Variants in WFS1 observed in about 807,000 individuals in gnomAD.
WFS1 encodes the protein wolframin ER transmembrane glycoprotein.
Under a neutral mutation model 68.5 loss-of-function variants are expected in WFS1, and 90 were observed. The observed-to-expected ratio is 1.31, with a 90% CI of 1.11 to 1.56. The LOEUF (loss-of-function observed/expected upper bound fraction) is 1.56. WFS1 is among the 40% of genes most tolerant of loss of function. The pLI is 0.00. For synonymous variants in WFS1, 860 were observed against 540.7 expected, an observed-to-expected ratio of 1.59 and a Z score of -8.19; for missense variants, 1,767 against 1,232.6, an observed-to-expected ratio of 1.43 and a Z score of -6.49.
intron 2 of WFS1, among the ~76,000 whole-genome samples, chr4:6,277,929 T>G (rs1342825927): frequency 6.6e-6 from 1 of 152,186 alleles, no homozygotes; most frequent in Non-Finnish European, 1.5e-5. Context: ...CTGCAGTCCT[T>G]CTCTTCCCAG....
In WFS1 at chr4:6,301,403, G is replaced by A. The variant is rs770643432; in HGVS notation, c.1608G>A (p.Val536=). ...ACTGCTACCTTGTGCCCTACCTGGT[G>A]TGCTTCATGTGGTGTGAGCTCTCCG... ...GTYCYLVPYL[V]CFMWCELSVV... is the part of the protein sequence containing the mutation. Residue 536 remains valine (V), a synonymous_variant, in exon 8 of 8, where the codon GTG becomes GTA. Transcript: ENST00000226760. 8 of 1,612,510 alleles carry A rather than the reference G, an allele frequency of 5.0e-6. No individual in the cohort carries two copies. The highest frequency in any genetic ancestry group is 3.3e-5 in the Admixed American group (2 of 60,028).
rs781027991 is a variant in WFS1 at position 6,295,034 on chromosome 4, G to A, written c.713-7G>A. ...GGGCGCCCATGCTGTTTTCTCTCAT[G>A]CTTCAGCCAAGAACTACATCGCGCT... On this transcript the variant is annotated splice_polypyrimidine_tract_variant and splice_region_variant and intron_variant, in intron 6 of 7. Transcript: ENST00000226760. 3.7e-6 allele frequency: 6 copies of A among 1,613,188 alleles called. No individual in the cohort carries two copies. The highest frequency in any genetic ancestry group is 5.1e-6 in the Non-Finnish European group (6 of 1,179,940).
intron 2 of WFS1, 132 bp downstream of exon 2, chr4:6,277,819 T>C: frequency 9.3e-7 from 1 of 1,073,156 alleles, no homozygotes; most frequent in Non-Finnish European, 1.4e-6. Context: ...TCCCATGCTG[T>C]GCACAGGCGT....
At chr4:6,285,175 A>ACCCAGGGAGAGTTACG (rs1730277689) in intron 2 of WFS1, among the ~76,000 whole-genome samples, 1 of 142,222 alleles carries the variant, frequency 7.0e-6, no homozygotes, top group Non-Finnish European at 1.5e-5. Flanking sequence ...GGAGAGTTAC[A>ACCCAGGGAGAGTTACG]TCCAGGGAGA....
chr4:6,282,025 C>T (rs899908922), intron 2 of WFS1, among the ~76,000 whole-genome samples: 3 of 152,314 alleles, frequency 2.0e-5, no homozygotes, highest in East Asian at 1.9e-4. Context: ...TGGACGTGCT[C>T]GTTCTTGCCT....
intron 4 of WFS1, 130 bp downstream of exon 4, chr4:6,289,261 T>G (rs1730397770): frequency 1.2e-5 from 16 of 1,299,120 alleles, no homozygotes; most frequent in Non-Finnish European, 1.5e-5. Flanking sequence ...CAGTTTCTGT[T>G]TTGCTGGTGG....
intron 7 of WFS1, among the ~76,000 whole-genome samples, chr4:6,299,366 C>G (rs1479131443): frequency 6.6e-6 from 1 of 151,886 alleles, no homozygotes; most frequent in East Asian, 1.9e-4. Flanking sequence ...ACCCACAGGT[C>G]GGGGGAAGGC....
At chr4:6,295,221 C>T (rs760686184) in intron 7 of WFS1, 32 bp downstream of exon 7, 10 of 1,609,628 alleles carry the variant, frequency 6.2e-6, no homozygotes, top group Non-Finnish European at 8.5e-6. Flanking sequence ...CAGGCCGGAG[C>T]CTGCCTCCCA....
intron 2 of WFS1, among the ~76,000 whole-genome samples, chr4:6,280,835 C>G (rs1205928220): frequency 2.6e-5 from 4 of 151,726 alleles, no homozygotes; most frequent in East Asian, 3.9e-4. Flanking sequence ...AGGACAAGGC[C>G]TGGGGTTGGT....
At chr4:6,285,054 T>C (rs989870453) in intron 2 of WFS1, among the ~76,000 whole-genome samples, 2 of 150,224 alleles carry the variant, frequency 1.3e-5, no homozygotes, top group Non-Finnish European at 3.0e-5. Context: ...CTGGGGAGGG[T>C]GGGTGTCCAA....
rs1270011156 is a variant in WFS1 at position 6,302,576 on chromosome 4, A to G, written c.*108A>G. 3 of 1,515,902 alleles carry G rather than the reference A, an allele frequency of 2.0e-6. No homozygotes were observed. In the African/African-American group the frequency reaches 4.1e-5, roughly 21 times the overall value. 93.9% of individuals were successfully genotyped at this position (1,515,902 alleles called of 1,614,324 possible). A position where few individuals can be genotyped will look rare whatever the true frequency, so the allele number is the denominator to read the frequency against. ...CAGTGCCGCCTGTGCCCACGTGTGC[A>G]GACTGTGGCTGCAGAGACCTTGCGA... On this transcript the variant is annotated 3_prime_UTR_variant, in exon 8 of 8. Transcript: ENST00000226760.
At chr4:6,300,584 C>CA in intron 7 of WFS1, 73 bp from the exon 8 acceptor site, 1 of 1,602,844 alleles carries the variant, frequency 6.2e-7, no homozygotes, top group Non-Finnish European at 8.5e-7. Flanking sequence ...GCAGGGTGGT[C>CA]AGAGGGAGGC....
intron 6 of WFS1, 28 bp from the exon 7 acceptor site, chr4:6,295,013 G>A (rs758500904): frequency 2.8e-5 from 45 of 1,612,556 alleles, no homozygotes; most frequent in African/African-American, 5.3e-5. Context: ...AGTGTGGGGC[G>A]CCCATGCTGT....
At chr4:6,295,465 C>T (rs1730611799) in intron 7 of WFS1, among the ~76,000 whole-genome samples, 1 of 152,018 alleles carries the variant, frequency 6.6e-6, no homozygotes, top group East Asian at 1.9e-4. Context: ...CTGGGTCTTT[C>T]TGTGCAGTGT....
At chr4:6,289,914 C>T (rs2109115737) in intron 4 of WFS1, among the ~76,000 whole-genome samples, 1 of 152,256 alleles carries the variant, frequency 6.6e-6, no homozygotes, top group East Asian at 1.9e-4. Flanking sequence ...AGCAACTCCC[C>T]ATATTTTGGT....
Position 6,300,819 on chromosome 4 carries a change from G to C in WFS1, c.1024G>C (p.Ala342Pro), listed in dbSNP as rs148028521. 2 of 1,613,706 alleles carry C rather than the reference G, an allele frequency of 1.2e-6. No homozygotes were observed. Among genetic ancestry groups the C allele is most frequent in the African/African-American group, 2.7e-5 (2 of 74,824 alleles). The change falls in exon 8 of 8, where the codon GCC becomes CCC. Residue 342 changes from alanine (A) to proline (P), a missense_variant. By Grantham distance (27) the Ala-to-Pro change is conservative. Coordinates refer to ENST00000226760, the MANE Select transcript of WFS1 (RefSeq NM_006005.3). ...IVSNLTIDFF[A>P]FFIPLVIFYL... is the part of the protein sequence containing the mutation. ...CAGCAACCTCACCATCGACTTCTTCGCCTTCTTCATCCCGCTGGTCATCTT... is the reference window on the plus strand; with the variant it reads ...CAGCAACCTCACCATCGACTTCTTCCCCTTCTTCATCCCGCTGGTCATCTT...
chr4:6,280,780 G>T (rs1289049443), intron 2 of WFS1, among the ~76,000 whole-genome samples: 1 of 152,166 alleles, frequency 6.6e-6, no homozygotes, highest in Non-Finnish European at 1.5e-5. Flanking sequence ...CCACTATGCG[G>T]CCCTGAGCTC....
chr4:6,300,578 G>A (rs924200240), intron 7 of WFS1, 79 bp from the exon 8 acceptor site: 2 of 1,598,698 alleles, frequency 1.3e-6, no homozygotes, highest in Non-Finnish European at 1.7e-6. Context: ...CCAGAGGCAG[G>A]GTGGTCAGAG....
intron 2 of WFS1, among the ~76,000 whole-genome samples, chr4:6,285,657 C>T (rs988794305): frequency 7.2e-5 from 11 of 152,238 alleles, no homozygotes; most frequent in African/African-American, 2.7e-4. Context: ...CACCTGGCCA[C>T]ATCCCATGGT....
Sources: gnomAD v4.1 joint callset for allele counts (sites outside exome capture counted in the v4.1 genomes callset) on GRCh38, gnomAD v4.1.1 for gene constraint, MANE v1.5 for transcripts, NCBI Gene and HGNC (gene_info 2026-07-23, HGNC 2026-07-21) for gene names.